TP53TG5: variants seen among roughly 807,000 people sequenced by gnomAD.
TP53TG5 encodes the protein TP53 target 5.
TP53TG5 carries 17 observed loss-of-function variants against 30.0 expected under a neutral mutation model. The observed-to-expected ratio is 0.57, with a 90% confidence interval of 0.39 to 0.85. The LOEUF is 0.85. Among genes scored for constraint, TP53TG5 ranks in the 40% least tolerant of loss-of-function variants. The probability of loss-of-function intolerance (pLI) is 0.00; values close to 1 mark genes in which losing one functional copy is unlikely to be tolerated. For synonymous variants in TP53TG5, 137 were observed against 139.2 expected, an observed-to-expected ratio of 0.98 and a Z score of 0.11; for missense variants, 338 against 367.9, an observed-to-expected ratio of 0.92 and a Z score of 0.67.
chr20:45,376,360 A>G (rs1416212698), intron 3 of TP53TG5: 1 of 152,232 alleles, frequency 6.6e-6, no homozygotes, highest in Non-Finnish European at 1.5e-5. Context: ...TGATGATAAT[A>G]ATGGCTCCCG....
rs1434711762 is a variant in TP53TG5, at chr20:45,373,143, C to T, written c.*764G>A. On this transcript the variant is annotated 3_prime_UTR_variant, in exon 5 of 5. Transcript: ENST00000372726. ...TCGGGCTCCCTTGGCTTTCCTCTCC[C>T]CAACGGCATGGTTAGGACCCTGTGA... is the stretch of plus-strand genomic sequence containing the variant. 1 of 152,346 alleles carries T rather than the reference C, an allele frequency of 6.6e-6. No individual in the cohort carries two copies. Among genetic ancestry groups the T allele is most frequent in the Non-Finnish European group, 1.5e-5 (1 of 68,192 alleles). The allele number at this position is 152,346 out of a possible 1,614,324, so 9.4% of individuals were successfully genotyped here. A position where few individuals can be genotyped will look rare whatever the true frequency, so the allele number is the denominator to read the frequency against.
rs138660321 is a variant in TP53TG5 at position 45,377,588 on chromosome 20, T to C, written c.74A>G (p.Glu25Gly). 8.1e-6 allele frequency: 13 copies of C among 1,613,954 alleles called. No individual in the cohort carries two copies. Among genetic ancestry groups the C allele is most frequent in the African/African-American group, 1.3e-5 (1 of 74,924 alleles). ...SKMQDEKLRD[E>G]TEQPVSKVIE... ...TACTTTGCTCACAGGCTGCTCTGTC[T>C]CGTCCCGCAGTTTCTCATCTTGCAT... is the stretch of plus-strand genomic sequence containing the variant. Residue 25 changes from glutamate to glycine, a missense_variant, in exon 2 of 5, where the codon GAG (glutamate) becomes GGG (glycine). Coordinates refer to ENST00000372726, the MANE Select transcript of TP53TG5 (RefSeq NM_014477.3).
At chr20:45,374,758 C>G in intron 4 of TP53TG5, 1 of 483,874 alleles carries the variant, frequency 2.1e-6, no homozygotes, top group Non-Finnish European at 3.6e-6. Context: ...CAGTTTCCAC[C>G]TCTGCTAAGG....
At chr20:45,375,000 G>T in intron 4 of TP53TG5, 39 bp downstream of exon 4, 1 of 1,584,946 alleles carries the variant, frequency 6.3e-7, no homozygotes, top group Non-Finnish European at 8.6e-7. Flanking sequence ...CTTGGGGCTT[G>T]CATCTCACCT....
At chr20:45,374,864 T>C (rs1600755822) in intron 4 of TP53TG5, 175 bp downstream of exon 4, 1 of 797,318 alleles carries the variant, frequency 1.3e-6, no homozygotes, top group Non-Finnish European at 2.0e-6. Flanking sequence ...TACCCTTCTG[T>C]ATGATGTTGG....
At chr20:45,374,497 C>T in intron 4 of TP53TG5, 2 of 539,234 alleles carry the variant, frequency 3.7e-6, no homozygotes, top group South Asian at 2.9e-5. Context: ...GTCTTGAACT[C>T]CTGGCCTCAA....
At chr20:45,374,954 C>T (rs1988678447) in intron 4 of TP53TG5, 85 bp downstream of exon 4, 1 of 1,534,754 alleles carries the variant, frequency 6.5e-7, no homozygotes, top group Non-Finnish European at 8.8e-7. Flanking sequence ...ACTCCAGATC[C>T]TGAACCCTGA....
At chr20:45,377,687 C>T (rs1462347271) in intron 1 of TP53TG5, 74 bp from the exon 2 acceptor site, 1 of 1,493,990 alleles carries the variant, frequency 6.7e-7, no homozygotes, top group Non-Finnish European at 9.3e-7. Context: ...TCTGTAATCC[C>T]AGCACTTTGG....
At chr20:45,374,348 C>T in intron 4 of TP53TG5, 1 of 672,354 alleles carries the variant, frequency 1.5e-6, no homozygotes, top group South Asian at 1.6e-5. Context: ...TCACAGCTCA[C>T]TGCAGCCTCG....
Position 45,373,962 on chromosome 20 carries a change from G to T in TP53TG5, c.818C>A (p.Ser273Ter), listed in dbSNP as rs1988636844. The T allele has an allele frequency of 7.4e-6, 12 of 1,613,884 alleles. No individual in the cohort carries two copies. The highest frequency in any genetic ancestry group is 1.3e-5 in the African/African-American group (1 of 74,870). ...RARGASRGWR[S>*]RHQLKGRNGW... is the part of the protein sequence containing the mutation. The stretch of plus-strand genomic sequence containing the variant: ...ATTCCTCCCCTTCAGCTGATGGCGC[G>T]ATCTCCACCCTCTGCTCGCACCTCT... The change falls in exon 5 of 5, where the codon TCG (serine) becomes TAG (stop). Residue 273 changes from serine (S) to a stop codon, truncating the protein, a stop_gained. Transcript: ENST00000372726. LOFTEE classifies it low-confidence loss of function (END_TRUNC).
rs1988613807 is a variant in TP53TG5, at chr20:45,373,322, G to C, written c.*585C>G. ...TGATCCGGTGCCTTCTGTGATCTGT[G>C]ACCAAGGCAGGACACATTTGGAGGC... is the stretch of plus-strand genomic sequence containing the variant. On this transcript the variant is annotated 3_prime_UTR_variant, in exon 5 of 5. Coordinates refer to ENST00000372726, the MANE Select transcript of TP53TG5 (RefSeq NM_014477.3). The C allele has an allele frequency of 6.3e-6, 1 of 158,118 alleles. No homozygotes were observed. Among genetic ancestry groups the C allele is most frequent in the Non-Finnish European group, 1.4e-5 (1 of 70,808 alleles). The allele number at this position is 158,118 out of a possible 1,614,324, so 9.8% of individuals were successfully genotyped here.
In TP53TG5 at chr20:45,372,916, T is replaced by C. The variant is rs1384114367; in HGVS notation, c.*991A>G. ...TGCCCAGTAATGGTGGGGAGGAGTG[T>C]GTGAGTGGGCGGGGTGGGAGGGGGG... On this transcript the variant is annotated 3_prime_UTR_variant, in exon 5 of 5. Coordinates refer to ENST00000372726, the MANE Select transcript of TP53TG5 (RefSeq NM_014477.3). 3.1e-5 allele frequency: 1 copy of C among 32,576 alleles called. No homozygotes were observed. The highest frequency in any genetic ancestry group is 1.3e-4 in the African/African-American group (1 of 7,944). The allele number at this position is 32,576 out of a possible 1,614,324, so 2.0% of individuals were successfully genotyped here.
At position 45,377,519 on chromosome 20, in the gene TP53TG5, G is replaced by T. The variant is rs1162925795; in HGVS notation, c.123+20C>A. ...AGTATATGAGCTTCCCCAAGCTGGG[G>T]CCAAAACAGGGCGTCTCACCGTTCT... On this transcript the variant is annotated intron_variant, in intron 2 of 4. Transcript: ENST00000372726. 5.0e-6 allele frequency: 8 copies of T among 1,613,546 alleles called. No homozygotes were observed. The highest frequency in any genetic ancestry group is 6.8e-6 in the Non-Finnish European group (8 of 1,179,828).
In TP53TG5 at chr20:45,377,311, A is replaced by C. The variant is rs1212604764; in HGVS notation, c.155T>G (p.Leu52Arg). Residue 52 changes from leucine to arginine, a missense_variant, in exon 3 of 5, where the codon CTC (leucine) becomes CGC (arginine). By Grantham distance (102) the Leu-to-Arg change is moderately radical. Coordinates refer to ENST00000372726, the MANE Select transcript of TP53TG5 (RefSeq NM_014477.3). ...VLKNLSLLKL[L>R]KSSNRRIQEL... ...TTGGATCCGGCGGTTTGAGCTCTTG[A>C]GTAGCTTCAAGAGCGACAAGTTTTT... 2.5e-6 allele frequency: 4 copies of C among 1,614,030 alleles called. No homozygotes were observed. Among genetic ancestry groups the C allele is most frequent in the Non-Finnish European group, 3.4e-6 (4 of 1,180,052 alleles).
chr20:45,377,076 G>T, intron 3 of TP53TG5, 136 bp downstream of exon 3: 1 of 1,170,834 alleles, frequency 8.5e-7, no homozygotes, highest in Non-Finnish European at 1.2e-6. Flanking sequence ...CTCTCCAGCA[G>T]TAAAATAGAG....
At chr20:45,377,920 C>T (rs908760981) in intron 1 of TP53TG5, among the ~76,000 whole-genome samples, 1 of 152,124 alleles carries the variant, frequency 6.6e-6, no homozygotes, top group Non-Finnish European at 1.5e-5. Flanking sequence ...CCAGCCTGGG[C>T]GACAGAGTGA....
intron 1 of TP53TG5, 82 bp from the exon 2 acceptor site, chr20:45,377,695 TG>T: frequency 1.4e-6 from 2 of 1,404,952 alleles, no homozygotes; most frequent in Non-Finnish European, 2.0e-6. Context: ...CCCAGCACTT[TG>T]GGAGGCCGAG....
rs1250362398 is a variant in TP53TG5, at chr20:45,373,742, T to C, written c.*165A>G. On this transcript the variant is annotated 3_prime_UTR_variant, in exon 5 of 5. Coordinates refer to ENST00000372726, the MANE Select transcript of TP53TG5 (RefSeq NM_014477.3). ...TGGGGGAGGGGTGCTGCTCGCTGGC[T>C]TCTTTGGTTCTAGACTGACCTTAGG... 3.1e-6 allele frequency: 2 copies of C among 638,644 alleles called. No homozygotes were observed. Among genetic ancestry groups the C allele is most frequent in the Non-Finnish European group, 2.7e-6 (1 of 364,554 alleles). The allele number at this position is 638,644 out of a possible 1,614,324, so 39.6% of individuals were successfully genotyped here. A position where few individuals can be genotyped will look rare whatever the true frequency, so the allele number is the denominator to read the frequency against.
chr20:45,374,433 G>A (rs1988659413), intron 4 of TP53TG5: 1 of 569,752 alleles, frequency 1.8e-6, no homozygotes, highest in Non-Finnish European at 3.1e-6. Flanking sequence ...CACCACATCT[G>A]GCTAATTTTT....
Sources: gnomAD v4.1 joint callset for allele counts (sites outside exome capture counted in the v4.1 genomes callset) on GRCh38, gnomAD v4.1.1 for gene constraint, MANE v1.5 for transcripts, NCBI Gene and HGNC (gene_info 2026-07-23, HGNC 2026-07-21) for gene names.